GPC5: variants seen among roughly 807,000 people sequenced by gnomAD.
GPC5 encodes glypican-5.
A neutral mutation model predicts 53.9 loss-of-function variants in GPC5; 47 were observed. The ratio of observed to expected loss-of-function variants is 0.87; its 90% CI spans 0.69 to 1.11. The LOEUF is 1.11. GPC5 is among the 50% of genes most tolerant of loss of function. GPC5 has a pLI of 0.00. For synonymous variants in GPC5, 286 were observed against 263.3 expected (o/e 1.09, Z -0.84); for missense variants, 748 against 713.1 (o/e 1.05, Z -0.56).
chr13:91,671,799 A>G (rs889974105), intron 2 of GPC5, among the ~76,000 whole-genome samples: 2 of 149,646 alleles, frequency 1.3e-5, no homozygotes, highest in Non-Finnish European at 3.0e-5. Context: ...AAAAAAAAAA[A>G]AAAAAACGAA....
At chr13:91,728,491 G>T in intron 3 of GPC5, 41 bp from the exon 4 acceptor site, 3 of 1,588,700 alleles carry the variant, frequency 1.9e-6, no homozygotes, top group Non-Finnish European at 2.6e-6. Context: ...GAAAGGTGGA[G>T]TACGATTTCT....
intron 5 of GPC5, among the ~76,000 whole-genome samples, chr13:91,814,126 G>T (rs1223955974): frequency 1.3e-5 from 2 of 151,676 alleles, no homozygotes; most frequent in Admixed American, 6.6e-5. Context: ...TAGAGACGGG[G>T]TTTCACCATC....
intron 2 of GPC5, among the ~76,000 whole-genome samples, chr13:91,631,652 C>T (rs898549094): frequency 2.0e-5 from 3 of 152,000 alleles, no homozygotes; most frequent in African/African-American, 7.2e-5. Flanking sequence ...ATCTCCCTTT[C>T]TTTGCAAGCA....
At chr13:91,759,226 AT>A (rs1035408653) in intron 5 of GPC5, among the ~76,000 whole-genome samples, 19 of 151,446 alleles carry the variant, frequency 1.3e-4, no homozygotes, top group African/African-American at 3.9e-4. Flanking sequence ...TCAATTCTTT[AT>A]TTTTTTTCAT....
chr13:91,586,135 G>A lies in GPC5; in HGVS notation c.326-107052G>A, dbSNP rs115546753. Among the ~76,000 whole-genome samples the A allele has an allele frequency of 6.1e-3, 926 of 151,076 alleles. 8 individuals are homozygous for A. The highest frequency in any genetic ancestry group is 0.022 in the African/African-American group (894 of 41,200). On this transcript the variant is annotated intron_variant, in intron 2 of 7. Transcript: ENST00000377067. ...TTTTTAAAACTTAAATTAATTGCAC[G>A]ATTCTGCTTTAAATATGATAGACAA...
intron 2 of GPC5, among the ~76,000 whole-genome samples, chr13:91,593,706 C>A (rs1249993906): frequency 6.6e-6 from 1 of 152,106 alleles, no homozygotes; most frequent in Non-Finnish European, 1.5e-5. Context: ...TTCATCTATT[C>A]CATGATCTCA....
chr13:91,682,843 G>A (rs907376150), intron 2 of GPC5, among the ~76,000 whole-genome samples: 1 of 152,164 alleles, frequency 6.6e-6, no homozygotes, highest in African/African-American at 2.4e-5. Flanking sequence ...TGCTTAGAGA[G>A]GTTAAATAGC....
At chr13:91,493,620 A>T (rs1395967873) in intron 2 of GPC5, among the ~76,000 whole-genome samples, 3 of 152,080 alleles carry the variant, frequency 2.0e-5, no homozygotes, top group Non-Finnish European at 4.4e-5. Flanking sequence ...TTGAAATAAA[A>T]AACCAACTCG....
chr13:91,773,938 T>A (rs79493444), intron 5 of GPC5, among the ~76,000 whole-genome samples: 499 of 152,342 alleles, frequency 3.3e-3, no homozygotes, highest in Non-Finnish European at 3.6e-3. Flanking sequence ...TATTTACTTA[T>A]CTTAAAAAGT....
intron 6 of GPC5, among the ~76,000 whole-genome samples, chr13:91,977,347 A>T (rs150366413): frequency 3.3e-5 from 5 of 152,354 alleles, no homozygotes; most frequent in Admixed American, 6.5e-5. Flanking sequence ...GTGCAACACT[A>T]AATATTCCTT....
chr13:91,756,437 G>C lies in GPC5; in HGVS notation c.1280+17G>C. 1 of 1,552,670 alleles carries C rather than the reference G, an allele frequency of 6.4e-7. No homozygotes were observed. The highest frequency in any genetic ancestry group is 8.8e-7 in the Non-Finnish European group (1 of 1,138,768). On this transcript the variant is annotated intron_variant, in intron 5 of 7. Coordinates refer to ENST00000377067, the MANE Select transcript of GPC5 (RefSeq NM_004466.6). ...AGTAAAAAGGTATTTTATGTGGTCT[G>C]TGAAAACCTACTAGTTACATCATCC... is the stretch of plus-strand genomic sequence containing the variant.
intron 6 of GPC5, among the ~76,000 whole-genome samples, chr13:92,006,450 A>G (rs1195371176): frequency 6.6e-6 from 1 of 152,178 alleles, no homozygotes; most frequent in East Asian, 1.9e-4. Flanking sequence ...TGTGTTTTAA[A>G]AAAGTAAATA....
intron 7 of GPC5, among the ~76,000 whole-genome samples, chr13:92,188,840 C>T (rs975288654): frequency 1.9e-4 from 29 of 152,190 alleles, no homozygotes; most frequent in African/African-American, 5.8e-4. Context: ...CCATGCCACC[C>T]GACAGCAGGT....
At chr13:92,791,899 T>C (rs889321773) in intron 7 of GPC5, among the ~76,000 whole-genome samples, 3 of 152,120 alleles carry the variant, frequency 2.0e-5, no homozygotes, top group Non-Finnish European at 4.4e-5. Context: ...CACAATTTAG[T>C]GGCATTAATT....
At chr13:91,612,437 A>C in intron 2 of GPC5, among the ~76,000 whole-genome samples, 1 of 152,342 alleles carries the variant, frequency 6.6e-6, no homozygotes. Context: ...ACCTTTTAAC[A>C]TCACAAACAT....
chr13:91,478,737 A>T (rs1883084084), intron 2 of GPC5, among the ~76,000 whole-genome samples: 1 of 144,700 alleles, frequency 6.9e-6, no homozygotes, highest in Non-Finnish European at 1.5e-5. Context: ...TTGGGCTCAG[A>T]TCATGTTTGC....
At chr13:91,702,512 T>C (rs2036014758) in intron 3 of GPC5, among the ~76,000 whole-genome samples, 1 of 152,162 alleles carries the variant, frequency 6.6e-6, no homozygotes, top group Admixed American at 6.5e-5. Context: ...TGCATGTCTG[T>C]CTTTATACTT....
In GPC5 at chr13:92,592,804, C is replaced by A. The variant is rs188275132; in HGVS notation, c.1562-273478C>A. On this transcript the variant is annotated intron_variant, in intron 7 of 7. Coordinates refer to ENST00000377067, the MANE Select transcript of GPC5 (RefSeq NM_004466.6). Reference sequence around the variant, plus strand: ...CAAGTATGGCTCAATGGAGGGAGAGCGAGATGGCCTGTGTGACAGCTCCTT... The same window carrying A: ...CAAGTATGGCTCAATGGAGGGAGAGAGAGATGGCCTGTGTGACAGCTCCTT... Among the ~76,000 whole-genome samples the A allele has an allele frequency of 8.9e-4, 134 of 151,172 alleles. 10 individuals carry two copies. Among genetic ancestry groups the A allele is most frequent in the Admixed American group, 2.3e-3 (34 of 15,100 alleles).
intron 7 of GPC5, among the ~76,000 whole-genome samples, chr13:92,848,134 T>C (rs1266657303): frequency 6.6e-6 from 1 of 152,206 alleles, no homozygotes; most frequent in African/African-American, 2.4e-5. Context: ...TTGCCTGCAG[T>C]GGCCTCTAAT....
Sources: gnomAD v4.1 joint callset for allele counts (sites outside exome capture counted in the v4.1 genomes callset) on GRCh38, gnomAD v4.1.1 for gene constraint, MANE v1.5 for transcripts, NCBI Gene and HGNC (gene_info 2026-07-23, HGNC 2026-07-21) for gene names.